Variants in WNK1 observed in about 807,000 individuals in gnomAD.
The protein encoded by WNK1 is serine/threonine-protein kinase WNK1.
Under a neutral mutation model 222.8 loss-of-function variants are expected in WNK1, and 38 were observed. The observed-to-expected ratio is 0.17, with a 90% CI of 0.13 to 0.22. The LOEUF is 0.22. Among genes scored for constraint, WNK1 ranks in the 10% least tolerant of loss-of-function variants. The pLI, the probability that WNK1 is intolerant of heterozygous loss-of-function variation, is 1.00. For synonymous variants in WNK1, 1,090 were observed against 1,092.9 expected, an observed-to-expected ratio of 1.00 and a Z score of 0.05; for missense variants, 2,348 against 2,918.4, an observed-to-expected ratio of 0.80 and a Z score of 4.50.
Position 878,317 on chromosome 12 carries a change from C to T in WNK1, c.2329C>T (p.Pro777Ser). ...CACTACTGCACAGCCAGTGAGTCAG[C>T]CTCAAGCTCCACAAGTCTTGCCTCA... Reference protein sequence around the residue: ...EATTAQPVSQPQAPQVLPQVS... With the variant: ...EATTAQPVSQSQAPQVLPQVS... Residue 777 changes from proline to serine, a missense_variant, in exon 10 of 28, where the codon CCT becomes TCT. By Grantham distance (74) the Pro-to-Ser change is moderately conservative. Transcript: ENST00000315939. 8 of 1,614,144 alleles carry T rather than the reference C, an allele frequency of 5.0e-6. No homozygotes were observed. Among genetic ancestry groups the T allele is most frequent in the Non-Finnish European group, 5.1e-6 (6 of 1,180,028 alleles).
At position 793,710 on chromosome 12, in the gene WNK1, A is replaced by G. The variant is rs114903816; in HGVS notation, c.760-19932A>G. Among the ~76,000 whole-genome samples the G allele has an allele frequency of 3.3e-3, 502 of 152,320 alleles. 3 individuals are homozygous for G. The highest frequency in any genetic ancestry group is 0.011 in the African/African-American group (468 of 41,566). ...TAAATATGGCAGTTCTTAAATCTAT[A>G]TGATGATAGTTTGCATTATTTTATT... is the stretch of plus-strand genomic sequence containing the variant. On this transcript the variant is annotated intron_variant, in intron 1 of 27. Transcript: ENST00000315939.
intron 2 of WNK1, among the ~76,000 whole-genome samples, chr12:825,034 A>G (rs1052492357): frequency 6.6e-6 from 1 of 152,084 alleles, no homozygotes; most frequent in Non-Finnish European, 1.5e-5. Context: ...TGTGTACTTT[A>G]TTTTTCTTTT....
chr12:847,192 G>A lies in WNK1; in HGVS notation c.1312-9969G>A, dbSNP rs1212835734. ...AAAGCTGACCTTACTTACCTACCCT[G>A]AATATTGATCTGTAATTCACAAGGC... On this transcript the variant is annotated intron_variant, in intron 4 of 27. Coordinates refer to ENST00000315939, the MANE Select transcript of WNK1 (RefSeq NM_018979.4). Among the ~76,000 whole-genome samples, 4 of 152,032 alleles carry A rather than the reference G, an allele frequency of 2.6e-5. No individual in the cohort carries two copies. In the East Asian group the frequency reaches 7.7e-4, roughly 29 times the overall value.
At chr12:830,244 G>C in intron 4 of WNK1, 84 bp downstream of exon 4, 1 of 1,488,364 alleles carries the variant, frequency 6.7e-7, no homozygotes, top group Non-Finnish European at 9.3e-7. Context: ...CCATGTAAAA[G>C]AGGACAATAG....
At chr12:816,494 G>C (rs563931952) in intron 2 of WNK1, among the ~76,000 whole-genome samples, 1 of 151,512 alleles carries the variant, frequency 6.6e-6, no homozygotes, top group Non-Finnish European at 1.5e-5. Context: ...TGCCCAGGCT[G>C]CTCTCAAACT....
At chr12:831,038 T>C (rs1948749412) in intron 4 of WNK1, among the ~76,000 whole-genome samples, 3 of 152,366 alleles carry the variant, frequency 2.0e-5, no homozygotes, top group Admixed American at 1.3e-4. Context: ...TGAATTTTCC[T>C]CGTGGTGTCA....
In WNK1 at chr12:868,150, A is replaced by C. The variant is rs1429843547; in HGVS notation, c.2140-3115A>C. 8 of 1,614,040 alleles carry C rather than the reference A, an allele frequency of 5.0e-6. No homozygotes were observed. The African/African-American group carries it at 1.1e-4, about 22-fold the overall frequency. On this transcript the variant is annotated intron_variant, in intron 8 of 27. Transcript: ENST00000315939. ...TTATGTTGGGTACTACAGCCAGTAG[A>C]GTAACTGGAGAGTCATGTGAGATAC...
At chr12:798,193 T>A (rs1945511099) in intron 1 of WNK1, among the ~76,000 whole-genome samples, 4 of 112,374 alleles carry the variant, frequency 3.6e-5, no homozygotes, top group African/African-American at 1.1e-4. Flanking sequence ...TTGCATTTTC[T>A]TTTTTTTTTT....
At chr12:781,323 C>T (rs1365220643) in intron 1 of WNK1, 2 of 152,742 alleles carry the variant, frequency 1.3e-5, no homozygotes, top group Non-Finnish European at 2.9e-5. Flanking sequence ...AAACATTTTA[C>T]TTAGAGCATA....
At position 859,320 on chromosome 12, in the gene WNK1, A is replaced by T. The variant is rs750205260; in HGVS notation, c.1476A>T (p.Glu492Asp). Residue 492 changes from glutamate (E) to aspartate (D), a missense_variant, in exon 6 of 28, where the codon GAA becomes GAT. Physicochemically the swap from Glu to Asp is conservative, Grantham distance 45. This residue lies in a region of WNK1 where 37 missense variants were observed against 102.8 expected (regional missense o/e 0.36). Transcript: ENST00000315939. ...ETGVRVELAE[E>D]DDGEKIAIKL... Reference sequence around the variant, plus strand: ...GAGTACGGGTAGAATTAGCAGAAGAAGATGATGGAGAAAAAATAGCCATAA... The same window carrying T: ...GAGTACGGGTAGAATTAGCAGAAGATGATGATGGAGAAAAAATAGCCATAA... 1.9e-6 allele frequency: 3 copies of T among 1,613,830 alleles called. No homozygotes were observed. Among genetic ancestry groups the T allele is most frequent in the Non-Finnish European group, 8.5e-7 (1 of 1,179,838 alleles).
In WNK1 at chr12:753,317, C is replaced by G; in HGVS notation, c.-249C>G. On this transcript the variant is annotated 5_prime_UTR_variant, in exon 1 of 28. Coordinates refer to ENST00000315939, the MANE Select transcript of WNK1 (RefSeq NM_018979.4). This position sits in a 1 kb window ranked among gnomAD's most constrained non-coding sequence, Gnocchi z 5.2. ...CGGCGCTAACCCCCGTGGCTCAGCT[C>G]CCGAATCGCCCGCCTTCGAGCCCTC... The G allele has an allele frequency of 1.8e-6, 1 of 562,922 alleles. No homozygotes were observed. The allele number at this position is 562,922 out of a possible 1,614,324, so 34.9% of individuals were successfully genotyped here. A position where few individuals can be genotyped will look rare whatever the true frequency, so the allele number is the denominator to read the frequency against.
rs144145835 is a variant in WNK1, at chr12:865,645, G to A, written c.2139+3375G>A. 9.9e-5 allele frequency among the ~76,000 whole-genome samples: 15 copies of A among 152,138 alleles called. No individual in the cohort carries two copies. The East Asian group carries it at 1.9e-3, about 20-fold the overall frequency. ...TCATTATATCTTCCTGTTTCCTATC[G>A]ACATAAAATTCTTTCATTTTCATAT... On this transcript the variant is annotated intron_variant, in intron 8 of 27. Coordinates refer to ENST00000315939, the MANE Select transcript of WNK1 (RefSeq NM_018979.4).
At position 879,940 on chromosome 12, in the gene WNK1, TC is replaced by T; in HGVS notation, c.2743del (p.Leu915TyrfsTer90). On this transcript the variant is annotated frameshift_variant, in exon 11 of 28. Coordinates refer to ENST00000315939, the MANE Select transcript of WNK1 (RefSeq NM_018979.4). LOFTEE classifies it high-confidence loss of function. ...CTGCCAAGTCAGGTTCACCCACAGC[TC>T]CTACAACCAGCAGTTCAGTCCATGG... Reference protein sequence around the residue: ...TQLPSQVHPQLLQPAVQSMGI... With the variant: ...TQLPSQVHPQXLQPAVQSMGI... 6.2e-7 allele frequency: 1 copy of T among 1,614,096 alleles called. No homozygotes were observed. The highest frequency in any genetic ancestry group is 8.5e-7 in the Non-Finnish European group (1 of 1,180,010).
chr12:866,498 G>C (rs577583267), intron 8 of WNK1, among the ~76,000 whole-genome samples: 1 of 152,080 alleles, frequency 6.6e-6, no homozygotes, highest in Admixed American at 6.6e-5. Context: ...GAGTAGCTAG[G>C]ACTACAGGCG....
chr12:797,133 A>G (rs567677808), intron 1 of WNK1, among the ~76,000 whole-genome samples: 163 of 152,302 alleles, frequency 1.1e-3, no homozygotes, highest in African/African-American at 3.8e-3. Context: ...ATTCATATTC[A>G]TGAAAATAAA....
chr12:867,455 A>G (rs1344108337), intron 8 of WNK1, among the ~76,000 whole-genome samples: 1 of 152,224 alleles, frequency 6.6e-6, no homozygotes, highest in African/African-American at 2.4e-5. Flanking sequence ...CACTTCTTAC[A>G]GTATAGAACT....
At chr12:896,819 C>A in intron 24 of WNK1, 87 bp downstream of exon 24, 1 of 1,450,188 alleles carries the variant, frequency 6.9e-7, no homozygotes. Context: ...TTTTTCGCCA[C>A]AATATGCTAA....
In WNK1 at chr12:896,457, T is replaced by G; in HGVS notation, c.5970T>G (p.Pro1990=). ...PFMDLEQAVL[P]AVIPKKEKPE... ...TGGATTTGGAACAAGCTGTTCTTCC[T>G]GCTGTGATACCAAAGAAAGAGAAGC... Residue 1990 remains proline, a synonymous_variant, in exon 24 of 28, where the codon CCT becomes CCG. Transcript: ENST00000315939. The G allele has an allele frequency of 1.9e-6, 3 of 1,614,026 alleles. No individual in the cohort carries two copies. Among genetic ancestry groups the G allele is most frequent in the Non-Finnish European group, 2.5e-6 (3 of 1,180,020 alleles).
intron 11 of WNK1, among the ~76,000 whole-genome samples, chr12:880,509 A>G (rs1953047566): frequency 6.6e-6 from 1 of 152,190 alleles, no homozygotes; most frequent in African/African-American, 2.4e-5. Flanking sequence ...ACAATAAAGT[A>G]GTATTGTAGA....
Sources: allele counts gnomAD v4.1 joint callset (sites outside exome capture counted in the v4.1 genomes callset), GRCh38; gene constraint gnomAD v4.1.1; regional missense constraint gnomAD v4.1.1; non-coding constraint Gnocchi (gnomAD v3.1); transcripts MANE v1.5; gene names NCBI Gene and HGNC (gene_info 2026-07-23, HGNC 2026-07-21).